Variants in GPN1 observed in about 807,000 individuals in gnomAD.
The protein encoded by GPN1 is GPN-loop GTPase 1.
GPN1 carries 44 observed loss-of-function variants against 55.9 expected under a neutral mutation model. That is an observed-to-expected ratio of 0.79 (90% CI 0.62 to 1.01). GPN1 has a LOEUF of 1.01. Ranked by LOEUF, GPN1 falls within the 50% of genes least tolerant of loss-of-function variation. The pLI, the probability that GPN1 is intolerant of heterozygous loss-of-function variation, is 0.00. For missense variants in GPN1, 466 were observed against 462.8 expected (o/e 1.01, Z -0.06); for synonymous variants, 179 against 162.5 (o/e 1.10, Z -0.77).
rs1674495840 is a variant in GPN1, at chr2:27,650,821, C to T, written c.*621C>T. The T allele has an allele frequency of 6.5e-6, 1 of 152,766 alleles. No individual in the cohort carries two copies. The highest frequency in any genetic ancestry group is 2.1e-4 in the South Asian group (1 of 4,832). 9.5% of individuals were successfully genotyped at this position (152,766 alleles called of 1,614,324 possible). On this transcript the variant is annotated 3_prime_UTR_variant, in exon 14 of 14. Transcript: ENST00000610189. ...AATCAGAATCCTGTTTCATTGGTGA[C>T]TTGGATAAAGACTTTTTAATTTTAA...
intron 12 of GPN1, among the ~76,000 whole-genome samples, chr2:27,642,990 C>CACAT (rs1553358346): frequency 1.0e-3 from 155 of 150,916 alleles, no homozygotes; most frequent in African/African-American, 3.5e-3. Context: ...CACACACACA[C>CACAT]ACACATACAT....
At position 27,643,801 on chromosome 2, in the gene GPN1, C is replaced by T. The variant is rs1028924408; in HGVS notation, c.931+1282C>T. On this transcript the variant is annotated intron_variant, in intron 12 of 13. Coordinates refer to ENST00000610189, the MANE Select transcript of GPN1 (RefSeq NM_007266.4). This position sits in a 1 kb window ranked among gnomAD's most constrained non-coding sequence, Gnocchi z 4.0. ...TTTCAAGGAATCACATTGGGAGGCA[C>T]GTGATGTTGATTTGTCCCATTACTG... Among the ~76,000 whole-genome samples, 3 of 152,132 alleles carry T rather than the reference C, an allele frequency of 2.0e-5. No individual in the cohort carries two copies. The highest frequency in any genetic ancestry group is 2.1e-4 in the South Asian group (1 of 4,830).
chr2:27,640,322 A>G (rs942667245), intron 10 of GPN1, among the ~76,000 whole-genome samples, 197 bp downstream of exon 10: 1 of 152,150 alleles, frequency 6.6e-6, no homozygotes, highest in African/African-American at 2.4e-5. Flanking sequence ...AGAAGTATAA[A>G]TCTTCATTGT....
In GPN1 at chr2:27,643,609, C is replaced by G. The variant is rs556448126; in HGVS notation, c.931+1090C>G. On this transcript the variant is annotated intron_variant, in intron 12 of 13. Transcript: ENST00000610189. This position sits in a 1 kb window ranked among gnomAD's most constrained non-coding sequence, Gnocchi z 4.0. ...TGCATTGTATTTAATTCTCACATGCCTTATACTCCTTTAGAATCTGGAACA... is the reference window on the plus strand; with the variant it reads ...TGCATTGTATTTAATTCTCACATGCGTTATACTCCTTTAGAATCTGGAACA... Among the ~76,000 whole-genome samples, 5 of 152,214 alleles carry G rather than the reference C, an allele frequency of 3.3e-5. No individual in the cohort carries two copies. The East Asian group carries it at 9.7e-4, about 29-fold the overall frequency.
intron 3 of GPN1, chr2:27,631,309 C>T (rs1406186792): frequency 1.5e-5 from 8 of 530,606 alleles, no homozygotes; most frequent in Non-Finnish European, 2.3e-5. Context: ...GGATAACTGA[C>T]AGCTACCTGG....
chr2:27,638,139 C>T (rs748878379), intron 7 of GPN1, 71 bp from the exon 8 acceptor site: 55 of 824,718 alleles, frequency 6.7e-5, no homozygotes, highest in South Asian at 5.8e-4. Flanking sequence ...TACTTAGTCC[C>T]GACATGCTGA....
chr2:27,632,693 A>C (rs997990198), intron 5 of GPN1, 23 bp downstream of exon 5: 1 of 1,475,122 alleles, frequency 6.8e-7, no homozygotes, highest in Non-Finnish European at 9.5e-7. Flanking sequence ...AGTAACACCC[A>C]TTTATTACTC....
At chr2:27,649,477 T>G (rs1197998210) in intron 13 of GPN1, among the ~76,000 whole-genome samples, 1 of 152,196 alleles carries the variant, frequency 6.6e-6, no homozygotes, top group Admixed American at 6.5e-5. Flanking sequence ...CAATCACAGT[T>G]GAAATGTAGA....
chr2:27,647,351 C>G (rs1674286064), intron 12 of GPN1, among the ~76,000 whole-genome samples: 1 of 152,132 alleles, frequency 6.6e-6, no homozygotes, highest in Non-Finnish European at 1.5e-5. Flanking sequence ...TTTTTCCCCT[C>G]CCTCCTCTTC....
intron 8 of GPN1, among the ~76,000 whole-genome samples, chr2:27,638,485 G>GT (rs1435142901): frequency 1.3e-5 from 2 of 152,206 alleles, no homozygotes; most frequent in Non-Finnish European, 2.9e-5. Flanking sequence ...TTCAACCACA[G>GT]TATGTAGATT....
chr2:27,644,435 T>C (rs1301255806), intron 12 of GPN1, among the ~76,000 whole-genome samples: 2 of 152,206 alleles, frequency 1.3e-5, no homozygotes, highest in Non-Finnish European at 1.5e-5. Flanking sequence ...CAAAAGTTCT[T>C]ATTTTGTTTT....
chr2:27,631,076 TC>T lies in GPN1; in HGVS notation c.245+12del. 7.4e-7 allele frequency: 1 copy of T among 1,347,712 alleles called. No homozygotes were observed. Among genetic ancestry groups the T allele is most frequent in the Non-Finnish European group, 1.1e-6 (1 of 939,018 alleles). 83.5% of individuals were successfully genotyped at this position (1,347,712 alleles called of 1,614,324 possible). Reference sequence around the variant, plus strand: ...AAGAAGTAATGAAACAGTATCCTTTTCCATCTACTTTGGTCTTGACTCATTC... The same window carrying T: ...AAGAAGTAATGAAACAGTATCCTTTTCATCTACTTTGGTCTTGACTCATTC... On this transcript the variant is annotated intron_variant, in intron 3 of 13. Coordinates refer to ENST00000610189, the MANE Select transcript of GPN1 (RefSeq NM_007266.4).
In GPN1 at chr2:27,629,148, C is replaced by T. The variant is rs977498833; in HGVS notation, c.90C>T (p.Ser30=). Residue 30 remains serine, a synonymous_variant, in exon 1 of 14, where the codon TCC becomes TCT. Coordinates refer to ENST00000610189, the MANE Select transcript of GPN1 (RefSeq NM_007266.4). ...TGTTGGTGTTGGGAATGGCGGGATC[C>T]GGGAAAACCACTTTTGTACAGGTGA... ...VCLLVLGMAG[S]GKTTFVQRLT... is the part of the protein sequence containing the mutation. 9.9e-6 allele frequency: 16 copies of T among 1,614,166 alleles called. No individual in the cohort carries two copies. The highest frequency in any genetic ancestry group is 1.4e-5 in the Non-Finnish European group (16 of 1,180,030).
intron 12 of GPN1, among the ~76,000 whole-genome samples, chr2:27,644,237 A>G (rs1279846824): frequency 6.6e-6 from 1 of 152,158 alleles, no homozygotes; most frequent in African/African-American, 2.4e-5. Flanking sequence ...TGTTTGTAAT[A>G]AGAATTTTGT....
chr2:27,642,336 G>C (rs1673989867), intron 11 of GPN1, 93 bp from the exon 12 acceptor site: 5 of 761,748 alleles, frequency 6.6e-6, no homozygotes, highest in Admixed American at 2.1e-5. Context: ...GTAGCCTCTA[G>C]TATTTGTATA....
chr2:27,631,578 T>C, intron 3 of GPN1: 1 of 551,312 alleles, frequency 1.8e-6, no homozygotes, highest in Admixed American at 3.3e-5. Flanking sequence ...TGTCACTGCC[T>C]GATGCACCTG....
chr2:27,628,247 ACT>A, upstream of GPN1: 1 of 786,380 alleles, frequency 1.3e-6, no homozygotes, highest in South Asian at 1.9e-5. Context: ...CTTACTGAAC[ACT>A]GTTTGCAGCT....
rs1409844607 is a variant in GPN1 at position 27,650,275 on chromosome 2, T to A, written c.*75T>A. ...TCCACGTGAAAGAACTGTTCTTACC[T>A]CTGAACTGGGGGCTCCCATAAGGGA... On this transcript the variant is annotated 3_prime_UTR_variant, in exon 14 of 14. Coordinates refer to ENST00000610189, the MANE Select transcript of GPN1 (RefSeq NM_007266.4). 3 of 804,048 alleles carry A rather than the reference T, an allele frequency of 3.7e-6. No individual in the cohort carries two copies. The highest frequency in any genetic ancestry group is 6.3e-6 in the Non-Finnish European group (3 of 474,824). 49.8% of individuals were successfully genotyped at this position (804,048 alleles called of 1,614,324 possible).
At chr2:27,638,163 A>C in intron 7 of GPN1, 47 bp from the exon 8 acceptor site, 33 of 1,005,746 alleles carry the variant, frequency 3.3e-5, no homozygotes, top group East Asian at 4.8e-5. Context: ...TGGATGAGCA[A>C]GAGCTTATGT....
Sources: gnomAD v4.1 joint callset for allele counts (sites outside exome capture counted in the v4.1 genomes callset) on GRCh38, gnomAD v4.1.1 for gene constraint, Gnocchi (gnomAD v3.1) non-coding constraint, MANE v1.5 for transcripts, NCBI Gene and HGNC (gene_info 2026-07-23, HGNC 2026-07-21) for gene names.